Variants in TRIM44 observed in about 807,000 individuals in gnomAD.
The protein encoded by TRIM44 is tripartite motif-containing protein 44.
A neutral mutation model predicts 37.4 loss-of-function variants in TRIM44; 13 were observed. The ratio of observed to expected loss-of-function variants is 0.35; its 90% CI spans 0.23 to 0.55. The LOEUF (loss-of-function observed/expected upper bound fraction) is 0.55, where lower values mean the gene tolerates loss of function less well. Ranked by LOEUF, TRIM44 falls within the 20% of genes least tolerant of loss-of-function variation. The pLI is 0.89. For synonymous variants in TRIM44, 175 were observed against 157.2 expected, an observed-to-expected ratio of 1.11 and a Z score of -0.85; for missense variants, 426 against 437.2, an observed-to-expected ratio of 0.97 and a Z score of 0.23.
chr11:35,750,412 A>G (rs1852545649), intron 4 of TRIM44, among the ~76,000 whole-genome samples: 1 of 152,176 alleles, frequency 6.6e-6, no homozygotes, highest in Admixed American at 6.5e-5. Flanking sequence ...ATATTAGACT[A>G]AACACTATTT....
chr11:35,748,096 G>C (rs965553439), intron 4 of TRIM44, among the ~76,000 whole-genome samples: 1 of 152,106 alleles, frequency 6.6e-6, no homozygotes, highest in Non-Finnish European at 1.5e-5. Context: ...GGAATCGCCT[G>C]AGGAAAGAAG....
intron 4 of TRIM44, among the ~76,000 whole-genome samples, chr11:35,793,250 C>T (rs2133878899): frequency 1.3e-5 from 2 of 151,972 alleles, no homozygotes; most frequent in Middle Eastern, 6.9e-3. Context: ...TGGGGCCAGG[C>T]ATAATGGCTC....
intron 4 of TRIM44, among the ~76,000 whole-genome samples, chr11:35,748,771 T>A (rs1163820939): frequency 6.6e-6 from 1 of 152,214 alleles, no homozygotes; most frequent in African/African-American, 2.4e-5. Flanking sequence ...TCTATCAGGC[T>A]CATAGCTCAA....
chr11:35,774,259 A>C (rs1244702320), intron 4 of TRIM44, among the ~76,000 whole-genome samples: 1 of 152,214 alleles, frequency 6.6e-6, no homozygotes, highest in East Asian at 1.9e-4. Flanking sequence ...TGTTGGCTGC[A>C]TAAATGTCTT....
chr11:35,730,682 A>G (rs183707751), intron 3 of TRIM44, among the ~76,000 whole-genome samples: 5 of 152,298 alleles, frequency 3.3e-5, no homozygotes, highest in Admixed American at 3.3e-4. Context: ...ACATGCTCTC[A>G]GAAATGGTTC....
At chr11:35,759,341 T>C (rs1399376548) in intron 4 of TRIM44, among the ~76,000 whole-genome samples, 1 of 152,238 alleles carries the variant, frequency 6.6e-6, no homozygotes, top group Non-Finnish European at 1.5e-5. Flanking sequence ...GCCATGGTTT[T>C]CAGCTCCATC....
At chr11:35,803,704 G>A (rs1853400545) in intron 4 of TRIM44, among the ~76,000 whole-genome samples, 2 of 152,180 alleles carry the variant, frequency 1.3e-5, no homozygotes, top group African/African-American at 2.4e-5. Flanking sequence ...CTGGGTGATA[G>A]AGCAAGACTC....
chr11:35,723,954 A>G (rs1402636867), intron 2 of TRIM44, among the ~76,000 whole-genome samples: 1 of 152,242 alleles, frequency 6.6e-6, no homozygotes, highest in Non-Finnish European at 1.5e-5. Flanking sequence ...CTAAAAATAA[A>G]AAGGAATTAT....
intron 4 of TRIM44, among the ~76,000 whole-genome samples, chr11:35,754,053 A>G (rs1286853286): frequency 2.2e-5 from 3 of 136,350 alleles, no homozygotes; most frequent in Non-Finnish European, 2.9e-5. Flanking sequence ...AATTTAAAAA[A>G]AAAAAGAAAA....
At chr11:35,754,098 T>G (rs1431172263) in intron 4 of TRIM44, among the ~76,000 whole-genome samples, 1 of 151,928 alleles carries the variant, frequency 6.6e-6, no homozygotes, top group African/African-American at 2.4e-5. Flanking sequence ...AAGTGACTAG[T>G]AAGTACTAAG....
chr11:35,694,713 A>G (rs924559235), intron 2 of TRIM44, among the ~76,000 whole-genome samples: 4 of 152,128 alleles, frequency 2.6e-5, no homozygotes, highest in Non-Finnish European at 2.9e-5. Flanking sequence ...AAGGGTTTCA[A>G]TGAGTGCACA....
intron 2 of TRIM44, among the ~76,000 whole-genome samples, chr11:35,687,265 A>G (rs952114747): frequency 2.0e-5 from 3 of 152,248 alleles, no homozygotes; most frequent in African/African-American, 7.2e-5. Flanking sequence ...TGCAGCCACA[A>G]GAATAAATTT....
chr11:35,687,190 A>G (rs1851592160), intron 2 of TRIM44, among the ~76,000 whole-genome samples: 1 of 152,224 alleles, frequency 6.6e-6, no homozygotes, highest in Non-Finnish European at 1.5e-5. Context: ...ATTGTGCTGC[A>G]GTTTTCTAAA....
chr11:35,673,515 T>C (rs1851424405), intron 1 of TRIM44, among the ~76,000 whole-genome samples: 2 of 152,198 alleles, frequency 1.3e-5, no homozygotes, highest in Admixed American at 1.3e-4. Flanking sequence ...GAGATTATTT[T>C]ACATTAGTTA....
chr11:35,669,820 T>TTTGTTGTTG (rs774338310), intron 1 of TRIM44, among the ~76,000 whole-genome samples: 1 of 151,610 alleles, frequency 6.6e-6, no homozygotes, highest in African/African-American at 2.4e-5. Flanking sequence ...TTGTTTGTTT[T>TTTGTTGTTG]TTGTTGTTGT....
In TRIM44 at chr11:35,816,912, C is replaced by T. The variant is rs1853586367; in HGVS notation, c.*10527C>T. The T allele has an allele frequency of 6.6e-6, 1 of 152,230 alleles. No homozygotes were observed. Among genetic ancestry groups the T allele is most frequent in the South Asian group, 2.1e-4 (1 of 4,824 alleles). 9.4% of individuals were successfully genotyped at this position (152,230 alleles called of 1,614,324 possible). A position where few individuals can be genotyped will look rare whatever the true frequency, so the allele number is the denominator to read the frequency against. On this transcript the variant is annotated 3_prime_UTR_variant, in exon 5 of 5. Coordinates refer to ENST00000299413, the MANE Select transcript of TRIM44 (RefSeq NM_017583.6). ...TTGCCCCTCACTGAGCTGCTCTGCTCACCTCTAGATGCTCCCCATGGCTGT... is the reference window on the plus strand; with the variant it reads ...TTGCCCCTCACTGAGCTGCTCTGCTTACCTCTAGATGCTCCCCATGGCTGT...
Position 35,663,430 on chromosome 11 carries a change from T to TCAGAGGAAGAGAGCGAGA in TRIM44, c.333_350dup (p.Thr113_Glu118dup), listed in dbSNP as rs1407966062. The TCAGAGGAAGAGAGCGAGA allele has an allele frequency of 3.2e-6, 5 of 1,565,352 alleles. No individual in the cohort carries two copies. The highest frequency in any genetic ancestry group is 4.3e-6 in the Non-Finnish European group (5 of 1,153,416). On this transcript the variant is annotated inframe_insertion, in exon 1 of 5. Coordinates refer to ENST00000299413, the MANE Select transcript of TRIM44 (RefSeq NM_017583.6). ...GAGTGAGTCGGAGGAAGAGAGCGAG[T>TCAGAGGAAGAGAGCGAGA]CAGAGGAAGAGAGCGAGACAGAGGA...
At chr11:35,781,189 G>GTTA (rs1227357771) in intron 4 of TRIM44, among the ~76,000 whole-genome samples, 1 of 152,028 alleles carries the variant, frequency 6.6e-6, no homozygotes, top group Non-Finnish European at 1.5e-5. Context: ...CATGGGGAAT[G>GTTA]TTATAGGCAA....
chr11:35,718,929 G>T (rs1164074155), intron 2 of TRIM44, among the ~76,000 whole-genome samples: 2 of 151,296 alleles, frequency 1.3e-5, no homozygotes, highest in African/African-American at 2.4e-5. Context: ...GGGCGGGGGG[G>T]TTGATTAATA....
Sources: allele counts gnomAD v4.1 joint callset (sites outside exome capture counted in the v4.1 genomes callset), GRCh38; gene constraint gnomAD v4.1.1; transcripts MANE v1.5; gene names NCBI Gene and HGNC (gene_info 2026-07-23, HGNC 2026-07-21).